The following FGF14 variants were observed in gnomAD, a reference collection of about 807,000 sequenced individuals.
The protein encoded by FGF14 is fibroblast growth factor homologous factor 4.
Under a neutral mutation model 25.5 loss-of-function variants are expected in FGF14, and 5 were observed. The observed-to-expected ratio is 0.20, with a 90% CI of 0.10 to 0.41. FGF14 has a LOEUF of 0.41. FGF14 is among the 10% of genes least tolerant of loss of function. FGF14 has a pLI of 1.00. For synonymous variants in FGF14, 138 were observed against 118.3 expected (o/e 1.17, Z -1.08); for missense variants, 222 against 320.1 (o/e 0.69, Z 2.34).
chr13:102,356,595 G>T (rs1375001578), intron 1 of FGF14, among the ~76,000 whole-genome samples: 1 of 152,156 alleles, frequency 6.6e-6, no homozygotes, highest in African/African-American at 2.4e-5. Context: ...TGGTCTAAGA[G>T]GCAGGAATGC....
At chr13:102,006,792 C>T (rs1018951701) in intron 1 of FGF14, among the ~76,000 whole-genome samples, 5 of 119,612 alleles carry the variant, frequency 4.2e-5, no homozygotes, top group African/African-American at 6.5e-5. Flanking sequence ...GGTCGGACTG[C>T]GGACTGCAGT....
chr13:101,983,424 G>A (rs2139625030), intron 1 of FGF14, among the ~76,000 whole-genome samples: 1 of 152,194 alleles, frequency 6.6e-6, no homozygotes, highest in East Asian at 1.9e-4. Flanking sequence ...TCTCAGCCAC[G>A]TATCAAAAGC....
intron 1 of FGF14, among the ~76,000 whole-genome samples, chr13:102,193,795 T>C (rs1045751458): frequency 1.3e-5 from 2 of 152,098 alleles, no homozygotes; most frequent in East Asian, 1.9e-4. Flanking sequence ...GTTTCCAGAG[T>C]TGCTACATCA....
At chr13:101,867,889 G>GACACACACACAC (rs370683665) in intron 3 of FGF14, among the ~76,000 whole-genome samples, 41 of 140,680 alleles carry the variant, frequency 2.9e-4, no homozygotes, top group South Asian at 2.2e-3. Context: ...TTCTGTTTAA[G>GACACACACACAC]ACACACACAC....
rs1047356238 is a variant in FGF14 at position 102,063,721 on chromosome 13, A to G, written c.209-188425T>C. The stretch of plus-strand genomic sequence containing the variant: ...GTGTTTTATTCAGATCTGAAGATAC[A>G]GGTAATGCAATAACATATAAAACAT... On this transcript the variant is annotated intron_variant, in intron 1 of 4. Coordinates refer to the FGF14 transcript ENST00000376131. 7.2e-5 allele frequency among the ~76,000 whole-genome samples: 11 copies of G among 152,334 alleles called. No individual in the cohort carries two copies. The South Asian group carries it at 2.3e-3, about 32-fold the overall frequency.
chr13:101,920,979 T>C (rs2033958375), upstream of FGF14, among the ~76,000 whole-genome samples: 1 of 152,210 alleles, frequency 6.6e-6, no homozygotes, highest in South Asian at 2.1e-4. Context: ...CTGAAGATGC[T>C]ATGATCCTTT....
chr13:102,028,451 C>T (rs9557788), intron 1 of FGF14, among the ~76,000 whole-genome samples: 126,570 of 152,070 alleles, frequency 0.83, 53,280 homozygotes, highest in East Asian at 1. Flanking sequence ...ATCTTGACAT[C>T]GAATTTTTGA....
chr13:101,930,413 T>C (rs1297491014), intron 1 of FGF14, among the ~76,000 whole-genome samples: 1 of 152,226 alleles, frequency 6.6e-6, no homozygotes, highest in Non-Finnish European at 1.5e-5. Context: ...ATTGTATTTA[T>C]AGCACACTCA....
At chr13:102,225,925 T>C (rs2050806249) in intron 1 of FGF14, among the ~76,000 whole-genome samples, 3 of 152,158 alleles carry the variant, frequency 2.0e-5, no homozygotes, top group Admixed American at 2.0e-4. Context: ...TGAGCTGAGG[T>C]CGTGGCCGCA....
chr13:102,236,780 C>A (rs1227798447), intron 1 of FGF14, among the ~76,000 whole-genome samples: 1 of 152,152 alleles, frequency 6.6e-6, no homozygotes, highest in Non-Finnish European at 1.5e-5. Flanking sequence ...TCTAGTAAGT[C>A]CACATGGACA....
At chr13:102,259,372 T>A (rs889300695) in intron 1 of FGF14, among the ~76,000 whole-genome samples, 2 of 152,246 alleles carry the variant, frequency 1.3e-5, no homozygotes, top group Non-Finnish European at 2.9e-5. Flanking sequence ...ACTGGTTTTT[T>A]GTTTTGTTTT....
chr13:101,901,316 T>C (rs2031517110), intron 1 of FGF14, among the ~76,000 whole-genome samples: 1 of 152,220 alleles, frequency 6.6e-6, no homozygotes, highest in African/African-American at 2.4e-5. Context: ...TCCCAAGTAG[T>C]GACTTCCAAA....
chr13:101,885,701 G>GA (rs75565604), intron 1 of FGF14, among the ~76,000 whole-genome samples: 8,806 of 122,578 alleles, frequency 0.072, 597 homozygotes, highest in African/African-American at 0.19. Context: ...ACAGGCCTCT[G>GA]AAAAAAAAAA....
At chr13:102,049,785 G>A (rs2042141831) in intron 1 of FGF14, among the ~76,000 whole-genome samples, 1 of 152,050 alleles carries the variant, frequency 6.6e-6, no homozygotes, top group Non-Finnish European at 1.5e-5. Context: ...AATGTCATGT[G>A]AACATGAAGG....
At chr13:101,902,249 C>CT (rs200208275) in intron 1 of FGF14, among the ~76,000 whole-genome samples, 68 of 151,986 alleles carry the variant, frequency 4.5e-4, no homozygotes, top group Admixed American at 2.6e-3. Flanking sequence ...TTATCGCTCC[C>CT]TTTTTTTTAT....
chr13:102,025,167 A>C (rs1019589305), intron 1 of FGF14, among the ~76,000 whole-genome samples: 3 of 151,808 alleles, frequency 2.0e-5, no homozygotes, highest in Non-Finnish European at 4.4e-5. Context: ...TTTCGGCTAT[A>C]AGTCCCTTCA....
chr13:102,163,556 G>A (rs1042289820), intron 1 of FGF14, among the ~76,000 whole-genome samples: 2 of 152,132 alleles, frequency 1.3e-5, no homozygotes, highest in African/African-American at 2.4e-5. Context: ...CCGTGTCTTA[G>A]AGAAGCACCA....
rs149758126 is a variant in FGF14, at chr13:101,928,395, G to GGTGTGTGTGTGT, written c.209-53111_209-53100dup. The stretch of plus-strand genomic sequence containing the variant: ...ACTTAAAACATTCTAAACTTGCTGT[G>GGTGTGTGTGTGT]GTGTGTGTGTGTGTGTGTGTGTGTG... On this transcript the variant is annotated intron_variant, in intron 1 of 4. Coordinates refer to the FGF14 transcript ENST00000376131. 3.5e-3 allele frequency among the ~76,000 whole-genome samples: 520 copies of GGTGTGTGTGTGT among 148,022 alleles called. 2 individuals carry two copies. Among genetic ancestry groups the GGTGTGTGTGTGT allele is most frequent in the African/African-American group, 0.012 (480 of 40,572 alleles).
chr13:101,926,866 G>A lies in FGF14; in HGVS notation c.209-51570C>T, dbSNP rs186619312. On this transcript the variant is annotated intron_variant, in intron 1 of 4. Transcript: ENST00000376131. ...CCTTAGGTAAGAATTTGCCTTAACC[G>A]TATAGGTTGACACTGACTGCAAATG... Among the ~76,000 whole-genome samples, 31 of 152,210 alleles carry A rather than the reference G, an allele frequency of 2.0e-4. No individual in the cohort carries two copies. The East Asian group carries it at 4.8e-3, about 24-fold the overall frequency.
Sources: gnomAD v4.1 joint callset for allele counts (sites outside exome capture counted in the v4.1 genomes callset) on GRCh38, gnomAD v4.1.1 for gene constraint, MANE v1.5 for transcripts, NCBI Gene and HGNC (gene_info 2026-07-23, HGNC 2026-07-21) for gene names.